KCNMA1: variants seen among roughly 807,000 people sequenced by gnomAD.
The protein encoded by KCNMA1 is Calcium-activated potassium channel subunit alpha-1.
A neutral mutation model predicts 140.0 loss-of-function variants in KCNMA1; 29 were observed. The ratio of observed to expected loss-of-function variants is 0.21; its 90% CI spans 0.15 to 0.28. The LOEUF (loss-of-function observed/expected upper bound fraction) is 0.28. Among genes scored for constraint, KCNMA1 ranks in the 10% least tolerant of loss-of-function variants. The probability of loss-of-function intolerance (pLI) is 1.00; values close to 1 mark genes in which losing one functional copy is unlikely to be tolerated. For missense variants in KCNMA1, 880 were observed against 1,602.2 expected (o/e 0.55, Z 7.70); for synonymous variants, 612 against 611.9 (o/e 1.00, Z 0.00).
intron 1 of KCNMA1, among the ~76,000 whole-genome samples, chr10:77,580,380 C>CA (rs35626401): frequency 0.024 from 2,302 of 95,320 alleles, 79 homozygotes; most frequent in African/African-American, 0.086. Flanking sequence ...GACTCCATCT[C>CA]AAAAAAAAAA....
intron 1 of KCNMA1, among the ~76,000 whole-genome samples, chr10:77,511,534 C>A (rs1365662384): frequency 6.6e-6 from 1 of 152,168 alleles, no homozygotes; most frequent in Non-Finnish European, 1.5e-5. Flanking sequence ...TCCCAAGCCA[C>A]AGCCTCTTTA....
exon 28 of KCNMA1, chr10:76,869,899 T>C (rs1375786706): frequency 1.3e-5 from 2 of 152,458 alleles, no homozygotes; most frequent in African/African-American, 4.8e-5. Flanking sequence ...TGTGTGTACT[T>C]TTTTTTTCTT....
Position 76,910,027 on chromosome 10 carries a change from G to A in KCNMA1, c.3086C>T (p.Thr1029Met). Residue 1029 changes from threonine to methionine, a missense_variant, in exon 25 of 28, where the codon ACG (threonine) becomes ATG (methionine). This residue lies in a region of KCNMA1 where 7 missense variants were observed against 51.1 expected (regional missense o/e 0.14). Transcript: ENST00000286628. ...DDDPDTELYL[T>M]QPFACGTAFA... ...TGCTGTCCCACAGGCAAAGGGCTGC[G>A]TGAGGTACAGTTCTGTATCAGGGTC... is the stretch of plus-strand genomic sequence containing the variant. 1 of 1,614,030 alleles carries A rather than the reference G, an allele frequency of 6.2e-7. No homozygotes were observed. The highest frequency in any genetic ancestry group is 8.5e-7 in the Non-Finnish European group (1 of 1,179,958).
At chr10:77,028,462 C>A (rs1216666938) in intron 15 of KCNMA1, among the ~76,000 whole-genome samples, 1 of 152,134 alleles carries the variant, frequency 6.6e-6, no homozygotes, top group Non-Finnish European at 1.5e-5. Flanking sequence ...GAGCAGACTG[C>A]TTTGAGGCTG....
intron 1 of KCNMA1, among the ~76,000 whole-genome samples, chr10:77,562,032 AG>A (rs2066560971): frequency 6.6e-6 from 1 of 152,256 alleles, no homozygotes; most frequent in African/African-American, 2.4e-5. Context: ...GCCCAAGGTC[AG>A]AGAACTAGTA....
intron 5 of KCNMA1, among the ~76,000 whole-genome samples, chr10:77,164,547 C>T (rs979113572): frequency 6.6e-6 from 1 of 151,234 alleles, no homozygotes; most frequent in Non-Finnish European, 1.5e-5. Context: ...AATCCTGAAA[C>T]ATGATCTTTA....
intron 2 of KCNMA1, among the ~76,000 whole-genome samples, chr10:77,275,425 G>GAAGC (rs1457229209): frequency 6.6e-6 from 1 of 152,214 alleles, no homozygotes. Context: ...CTTTGAGAAG[G>GAAGC]AAGCAAGGTC....
chr10:77,353,917 G>C (rs2093182492), intron 2 of KCNMA1, among the ~76,000 whole-genome samples: 1 of 145,720 alleles, frequency 6.9e-6, no homozygotes. Context: ...GACTCAGGCA[G>C]CCTGGCTACA....
chr10:77,352,730 A>C (rs1387341036), intron 2 of KCNMA1, among the ~76,000 whole-genome samples: 2 of 152,230 alleles, frequency 1.3e-5, no homozygotes, highest in Non-Finnish European at 2.9e-5. Flanking sequence ...AGGAATATGC[A>C]AAAGAAAGTG....
chr10:77,556,376 G>A (rs1219455970), intron 1 of KCNMA1, among the ~76,000 whole-genome samples: 7 of 151,672 alleles, frequency 4.6e-5, no homozygotes, highest in African/African-American at 9.7e-5. Context: ...ATAGTAGCAT[G>A]TGCCTGTAAT....
chr10:77,219,687 T>C (rs2154187530), intron 3 of KCNMA1, among the ~76,000 whole-genome samples: 1 of 152,320 alleles, frequency 6.6e-6, no homozygotes, highest in Middle Eastern at 3.4e-3. Flanking sequence ...TGGCGCGATC[T>C]TGGCTCACTG....
At chr10:77,111,408 TAC>T (rs1263989877) in intron 7 of KCNMA1, among the ~76,000 whole-genome samples, 1 of 152,242 alleles carries the variant, frequency 6.6e-6, no homozygotes, top group Admixed American at 6.5e-5. Flanking sequence ...ACTTCACTAA[TAC>T]CCGTAGTAAG....
At chr10:77,348,090 A>G (rs1470255679) in intron 2 of KCNMA1, among the ~76,000 whole-genome samples, 1 of 152,200 alleles carries the variant, frequency 6.6e-6, no homozygotes, top group Non-Finnish European at 1.5e-5. Context: ...AGAAACAAGC[A>G]TTTTAGTTTC....
At chr10:77,598,533 T>G (rs540573582) in intron 1 of KCNMA1, among the ~76,000 whole-genome samples, 1 of 152,270 alleles carries the variant, frequency 6.6e-6, no homozygotes, top group East Asian at 1.9e-4. Flanking sequence ...AAACAGTAAA[T>G]AAGAAAGACT....
chr10:77,351,959 T>C (rs1049588854), intron 2 of KCNMA1, among the ~76,000 whole-genome samples: 1 of 152,226 alleles, frequency 6.6e-6, no homozygotes, highest in African/African-American at 2.4e-5. Context: ...CAAGAACATT[T>C]CAAGTTCAGA....
At chr10:76,882,232 G>A (rs1373445967), downstream of KCNMA1, among the ~76,000 whole-genome samples, 1 of 152,156 alleles carries the variant, frequency 6.6e-6, no homozygotes, top group Non-Finnish European at 1.5e-5. Context: ...TGAGAAGATC[G>A]CAGAAAAGGG....
intron 1 of KCNMA1, among the ~76,000 whole-genome samples, chr10:77,632,269 G>A (rs1471934677): frequency 6.6e-6 from 1 of 152,158 alleles, no homozygotes; most frequent in African/African-American, 2.4e-5. Context: ...CCTGGCCTAG[G>A]GGGTGTCTTG....
intron 2 of KCNMA1, among the ~76,000 whole-genome samples, chr10:77,270,688 A>AT (rs10584189): frequency 3.6e-3 from 527 of 145,952 alleles, no homozygotes; most frequent in African/African-American, 6.9e-3. Context: ...CACCTAGCTA[A>AT]TTTTTTTTTT....
chr10:77,004,079 A>G (rs925291165), intron 18 of KCNMA1, among the ~76,000 whole-genome samples: 1 of 152,200 alleles, frequency 6.6e-6, no homozygotes, highest in Non-Finnish European at 1.5e-5. Context: ...ATTAACTGTT[A>G]ATTATAAGCA....
Sources: gnomAD v4.1 joint callset for allele counts (sites outside exome capture counted in the v4.1 genomes callset) on GRCh38, gnomAD v4.1.1 for gene constraint, gnomAD v4.1.1 regional missense constraint, MANE v1.5 for transcripts, NCBI Gene and HGNC (gene_info 2026-07-23, HGNC 2026-07-21) for gene names.